HYDIN: variants seen among roughly 807,000 people sequenced by gnomAD.
The protein encoded by HYDIN is HYDIN axonemal central pair apparatus protein.
HYDIN carries 132 observed loss-of-function variants against 403.9 expected under a neutral mutation model. The ratio of observed to expected loss-of-function variants is 0.33; its 90% CI spans 0.28 to 0.38. The LOEUF (loss-of-function observed/expected upper bound fraction) is 0.38. HYDIN is among the 10% of genes least tolerant of loss of function. HYDIN has a pLI of 1.00. For synonymous variants in HYDIN, 1,202 were observed against 1,891.7 expected, an observed-to-expected ratio of 0.64 and a Z score of 9.46; for missense variants, 2,827 against 5,009.5, an observed-to-expected ratio of 0.56 and a Z score of 13.15.
chr16:71,187,870 T>C (rs1953505394), intron 1 of HYDIN, among the ~76,000 whole-genome samples: 10 of 152,102 alleles, frequency 6.6e-5, no homozygotes, highest in Admixed American at 6.5e-4. Context: ...TGGCAATCAA[T>C]GAAACAGAAG....
chr16:70,967,238 A>G (rs1476672186), intron 36 of HYDIN, among the ~76,000 whole-genome samples: 2 of 152,186 alleles, frequency 1.3e-5, no homozygotes, highest in Non-Finnish European at 2.9e-5. Flanking sequence ...ATGCTTATGG[A>G]TAATATGACT....
intron 3 of HYDIN, among the ~76,000 whole-genome samples, chr16:71,180,327 A>G (rs925160158): frequency 5.9e-5 from 9 of 152,128 alleles, no homozygotes; most frequent in Admixed American, 5.2e-4. Context: ...GAAGAAACAG[A>G]ACATCTGAAT....
chr16:70,942,804 C>T (rs1193546518), intron 42 of HYDIN, among the ~76,000 whole-genome samples: 6 of 152,198 alleles, frequency 3.9e-5, no homozygotes, highest in Admixed American at 6.5e-5. Flanking sequence ...GTAAGCTCCA[C>T]GTGTCATCAG....
At chr16:71,218,283 G>C (rs2088996949) in intron 1 of HYDIN, among the ~76,000 whole-genome samples, 1 of 152,136 alleles carries the variant, frequency 6.6e-6, no homozygotes, top group South Asian at 2.1e-4. Context: ...ACAGAGAAGG[G>C]ATAACTACTC....
chr16:71,016,358 A>G (rs954500086), intron 23 of HYDIN, among the ~76,000 whole-genome samples: 7 of 152,118 alleles, frequency 4.6e-5, no homozygotes, highest in African/African-American at 1.7e-4. Context: ...GACAACAGGT[A>G]TAGAAAAGAT....
chr16:70,973,043 G>C (rs2078778303), intron 35 of HYDIN, among the ~76,000 whole-genome samples: 1 of 152,110 alleles, frequency 6.6e-6, no homozygotes, highest in Admixed American at 6.5e-5. Flanking sequence ...TTATCTATGA[G>C]TGAACTGAGA....
At chr16:70,908,166 T>C (rs2076588123) in intron 49 of HYDIN, 86 bp downstream of exon 49, 1 of 1,182,164 alleles carries the variant, frequency 8.5e-7, no homozygotes, top group Non-Finnish European at 1.2e-6. Flanking sequence ...CTCCACGTTA[T>C]GGTAAGAGCC....
intron 45 of HYDIN, among the ~76,000 whole-genome samples, chr16:70,923,005 T>C (rs1158427389): frequency 6.6e-6 from 1 of 152,118 alleles, no homozygotes; most frequent in Non-Finnish European, 1.5e-5. Context: ...TGAGTTCAAG[T>C]GATCTGCCTG....
intron 18 of HYDIN, among the ~76,000 whole-genome samples, chr16:71,035,597 CT>C (rs1331227408): frequency 6.9e-6 from 1 of 144,884 alleles, no homozygotes; most frequent in Non-Finnish European, 1.5e-5. Context: ...TTTCTTATAA[CT>C]GTTTTCCCTA....
intron 16 of HYDIN, among the ~76,000 whole-genome samples, chr16:71,064,137 TTACTC>T (rs2082180488): frequency 7.5e-6 from 1 of 133,240 alleles, no homozygotes; most frequent in Non-Finnish European, 1.7e-5. Flanking sequence ...TAACCTTCCA[TTACTC>T]TAATCTGTAC....
At chr16:71,141,001 C>T (rs1161652190) in intron 7 of HYDIN, among the ~76,000 whole-genome samples, 3 of 151,626 alleles carry the variant, frequency 2.0e-5, no homozygotes, top group Non-Finnish European at 4.4e-5. Context: ...TGGTATGATC[C>T]TCACTGATGC....
In HYDIN at chr16:70,899,067, G is replaced by A. The variant is rs373815838; in HGVS notation, c.9048+1937C>T. Among the ~76,000 whole-genome samples the A allele has an allele frequency of 9.6e-4, 144 of 150,526 alleles. 1 individual carries two copies. The East Asian group carries it at 0.021, about 22-fold the overall frequency. ...ATTACAGGCGTTAGCCACCATGCCCGGCCTAGTTCAAGTACTAAAACTCAA... is the reference window on the plus strand; with the variant it reads ...ATTACAGGCGTTAGCCACCATGCCCAGCCTAGTTCAAGTACTAAAACTCAA... On this transcript the variant is annotated intron_variant, in intron 53 of 85. Transcript: ENST00000393567.
chr16:70,880,655 A>G (rs552286322), intron 60 of HYDIN, among the ~76,000 whole-genome samples: 8 of 152,318 alleles, frequency 5.3e-5, no homozygotes, highest in African/African-American at 1.9e-4. Flanking sequence ...TTGTAACTCC[A>G]AGAGCCTTGG....
intron 83 of HYDIN, among the ~76,000 whole-genome samples, chr16:70,826,769 T>C (rs1567663580): frequency 6.8e-6 from 1 of 146,018 alleles, no homozygotes; most frequent in African/African-American, 2.8e-5. Flanking sequence ...CTAGATACTT[T>C]CTTTTTTTCT....
intron 7 of HYDIN, among the ~76,000 whole-genome samples, chr16:71,138,168 C>A (rs2085009604): frequency 7.4e-6 from 1 of 135,414 alleles, no homozygotes; most frequent in South Asian, 2.7e-4. Flanking sequence ...TGCAATGTCA[C>A]AGCAGGTGCA....
intron 64 of HYDIN, among the ~76,000 whole-genome samples, chr16:70,872,514 TATCC>T (rs909208397): frequency 1.2e-3 from 166 of 137,046 alleles, no homozygotes; most frequent in South Asian, 5.7e-3. Flanking sequence ...ATCACTCACC[TATCC>T]ATCCATCCAT....
chr16:70,932,853 T>C (rs1050962825), intron 45 of HYDIN, among the ~76,000 whole-genome samples: 3 of 152,108 alleles, frequency 2.0e-5, no homozygotes, highest in African/African-American at 4.8e-5. Context: ...ACCTATAGCC[T>C]GTGAGGTCAG....
chr16:70,885,615 T>C (rs1597221382), intron 58 of HYDIN, among the ~76,000 whole-genome samples: 1 of 151,472 alleles, frequency 6.6e-6, no homozygotes. Flanking sequence ...TGATGTAAGA[T>C]CCAGGCTCTG....
At chr16:70,983,712 T>C (rs1022434839) in intron 28 of HYDIN, among the ~76,000 whole-genome samples, 1 of 143,586 alleles carries the variant, frequency 7.0e-6, no homozygotes, top group Non-Finnish European at 1.5e-5. Flanking sequence ...GAGGGCCATA[T>C]TATCTGATCG....
Sources: allele counts gnomAD v4.1 joint callset (sites outside exome capture counted in the v4.1 genomes callset), GRCh38; gene constraint gnomAD v4.1.1; transcripts MANE v1.5; gene names NCBI Gene and HGNC (gene_info 2026-07-23, HGNC 2026-07-21).